Variants in HNF4G observed in about 807,000 individuals in gnomAD.
HNF4G encodes the protein hepatocyte nuclear factor 4-gamma.
A neutral mutation model predicts 50.9 loss-of-function variants in HNF4G; 21 were observed. The ratio of observed to expected loss-of-function variants is 0.41; its 90% CI spans 0.29 to 0.59. HNF4G has a LOEUF of 0.59. Ranked by LOEUF, HNF4G falls within the 20% of genes least tolerant of loss-of-function variation. The probability of loss-of-function intolerance (pLI) is 0.26; values close to 1 mark genes in which losing one functional copy is unlikely to be tolerated. For synonymous variants in HNF4G, 198 were observed against 185.6 expected (o/e 1.07, Z -0.54); for missense variants, 527 against 559.4 (o/e 0.94, Z 0.58).
intron 1 of HNF4G, among the ~76,000 whole-genome samples, chr8:75,441,872 T>G (rs527293868): frequency 6.6e-6 from 1 of 152,246 alleles, no homozygotes; most frequent in East Asian, 1.9e-4. Flanking sequence ...ATAGCAGCAC[T>G]GTTTGTAAAA....
chr8:75,459,248 A>G (rs1444395931), intron 1 of HNF4G, among the ~76,000 whole-genome samples: 1 of 152,214 alleles, frequency 6.6e-6, no homozygotes, highest in Non-Finnish European at 1.5e-5. Context: ...AATGTATCTC[A>G]GCAGTATATG....
chr8:75,557,078 C>T (rs1334651307), intron 6 of HNF4G, among the ~76,000 whole-genome samples: 1 of 152,102 alleles, frequency 6.6e-6, no homozygotes, highest in Admixed American at 6.6e-5. Flanking sequence ...CTATTAAATA[C>T]CTCTCTTGAA....
Position 75,515,660 on chromosome 8 carries a change from T to C in HNF4G, c.-24+25452T>C, listed in dbSNP as rs577626517. 2.0e-5 allele frequency among the ~76,000 whole-genome samples: 3 copies of C among 152,262 alleles called. No homozygotes were observed. The South Asian group carries it at 6.2e-4, about 32-fold the overall frequency. On this transcript the variant is annotated intron_variant, in intron 2 of 10. Transcript: ENST00000354370. ...ATGTCCAAAAGCAGAAGAAAATGAA[T>C]GTCCTGGCTCAAACACAGAGAATAA...
chr8:75,549,944 A>AT (rs1403581628), intron 3 of HNF4G, among the ~76,000 whole-genome samples: 3 of 152,074 alleles, frequency 2.0e-5, no homozygotes, highest in Admixed American at 1.3e-4. Context: ...TGAACTCATC[A>AT]TTTTTTATGG....
chr8:75,504,840 T>C (rs1473007886), intron 2 of HNF4G, among the ~76,000 whole-genome samples: 1 of 152,194 alleles, frequency 6.6e-6, no homozygotes, highest in Non-Finnish European at 1.5e-5. Context: ...CCCTGGGATT[T>C]TATACAGTGA....
chr8:75,500,235 G>A (rs982792808), intron 2 of HNF4G, among the ~76,000 whole-genome samples: 6 of 152,074 alleles, frequency 3.9e-5, no homozygotes. Flanking sequence ...TTACTTTAAA[G>A]ACGATATATA....
At chr8:75,408,983 C>G (rs1406498947) in intron 1 of HNF4G, among the ~76,000 whole-genome samples, 2 of 152,218 alleles carry the variant, frequency 1.3e-5, no homozygotes, top group East Asian at 3.8e-4. Flanking sequence ...AACATTCTTC[C>G]TGTCTAGCTG....
intron 1 of HNF4G, among the ~76,000 whole-genome samples, chr8:75,475,895 A>C (rs1228030499): frequency 6.6e-6 from 1 of 152,162 alleles, no homozygotes; most frequent in Non-Finnish European, 1.5e-5. Flanking sequence ...TCAATTTCTG[A>C]TGAAAATTGT....
intron 1 of HNF4G, among the ~76,000 whole-genome samples, chr8:75,455,678 T>C (rs1811702983): frequency 6.6e-6 from 1 of 152,220 alleles, no homozygotes; most frequent in African/African-American, 2.4e-5. Context: ...CATAATATCA[T>C]TGAATTAGTA....
At chr8:75,449,587 A>G (rs151170789) in intron 1 of HNF4G, among the ~76,000 whole-genome samples, 5 of 148,742 alleles carry the variant, frequency 3.4e-5, no homozygotes, top group Non-Finnish European at 7.4e-5. Context: ...GCTCACTGCA[A>G]GCTCCGCCTC....
At chr8:75,466,910 C>T (rs1812002433) in intron 1 of HNF4G, among the ~76,000 whole-genome samples, 1 of 152,002 alleles carries the variant, frequency 6.6e-6, no homozygotes, top group Non-Finnish European at 1.5e-5. Context: ...TCTTGAACTC[C>T]TGGGCTCAAG....
intron 2 of HNF4G, among the ~76,000 whole-genome samples, chr8:75,519,757 T>A (rs1397326844): frequency 6.6e-6 from 1 of 152,160 alleles, no homozygotes; most frequent in African/African-American, 2.4e-5. Flanking sequence ...TACAACTTTT[T>A]TTCTTGTTTA....
chr8:75,430,452 TAAAAGAGA>T (rs1290160906), intron 1 of HNF4G, among the ~76,000 whole-genome samples: 1 of 131,222 alleles, frequency 7.6e-6, no homozygotes, highest in Admixed American at 8.0e-5. Context: ...AATAAGCAAA[TAAAAGAGA>T]CGGGGGTAGG....
At chr8:75,452,693 T>C (rs977265843) in intron 1 of HNF4G, among the ~76,000 whole-genome samples, 4 of 150,898 alleles carry the variant, frequency 2.7e-5, no homozygotes, top group African/African-American at 4.9e-5. Flanking sequence ...CACTCCAGCC[T>C]GGGCAACAGA....
At chr8:75,550,201 A>T (rs1272746909) in intron 3 of HNF4G, among the ~76,000 whole-genome samples, 4 of 152,292 alleles carry the variant, frequency 2.6e-5, no homozygotes, top group Non-Finnish European at 4.4e-5. Context: ...AACCGAAATA[A>T]TTTAGGGGCT....
intron 2 of HNF4G, among the ~76,000 whole-genome samples, chr8:75,503,560 T>A (rs1812987574): frequency 6.6e-6 from 1 of 152,184 alleles, no homozygotes. Flanking sequence ...ACAATCATTG[T>A]TGTTTGTGTT....
chr8:75,546,160 A>C (rs748905338), intron 2 of HNF4G, among the ~76,000 whole-genome samples: 21 of 152,082 alleles, frequency 1.4e-4, no homozygotes, highest in African/African-American at 4.6e-4. Context: ...TGTATGGATA[A>C]TTTTTGCCAG....
intron 1 of HNF4G, among the ~76,000 whole-genome samples, chr8:75,542,588 A>T (rs1806658204): frequency 6.6e-6 from 1 of 151,580 alleles, no homozygotes; most frequent in Non-Finnish European, 1.5e-5. Context: ...GAACTGAATG[A>T]AAAGTGGTAC....
intron 1 of HNF4G, among the ~76,000 whole-genome samples, chr8:75,442,150 A>T (rs1811300962): frequency 1.3e-5 from 2 of 152,198 alleles, no homozygotes; most frequent in South Asian, 4.1e-4. Context: ...TGTGGTTAAA[A>T]CTCAAAGAAA....
Sources: allele counts gnomAD v4.1 joint callset (sites outside exome capture counted in the v4.1 genomes callset), GRCh38; gene constraint gnomAD v4.1.1; transcripts MANE v1.5; gene names NCBI Gene and HGNC (gene_info 2026-07-23, HGNC 2026-07-21).